The following FAM13A variants were observed in gnomAD, a reference collection of about 807,000 sequenced individuals.
The protein encoded by FAM13A is family with sequence similarity 13 member A, also known as protein FAM13A.
Under a neutral mutation model 129.6 loss-of-function variants are expected in FAM13A, and 76 were observed. The observed-to-expected ratio is 0.59, with a 90% CI of 0.49 to 0.71. The LOEUF (loss-of-function observed/expected upper bound fraction) is 0.71, where lower values mean the gene tolerates loss of function less well. Ranked by LOEUF, FAM13A falls within the 30% of genes least tolerant of loss-of-function variation. FAM13A has a pLI of 0.00. For missense variants in FAM13A, 1,108 were observed against 1,249.3 expected, an observed-to-expected ratio of 0.89 and a Z score of 1.70; for synonymous variants, 443 against 449.9, an observed-to-expected ratio of 0.98 and a Z score of 0.20.
chr4:88,931,822 A>G (rs1753081385), intron 5 of FAM13A, among the ~76,000 whole-genome samples: 1 of 152,252 alleles, frequency 6.6e-6, no homozygotes, highest in Non-Finnish European at 1.5e-5. Context: ...GAGTTTCATA[A>G]ATGCTCAAAA....
At chr4:88,768,260 T>C in intron 11 of FAM13A, 1 of 419,776 alleles carries the variant, frequency 2.4e-6, no homozygotes, top group South Asian at 4.8e-5. Context: ...ATTGAACTTC[T>C]AACATCCTTT....
chr4:88,917,206 T>C (rs1298937133), intron 5 of FAM13A, among the ~76,000 whole-genome samples: 1 of 152,350 alleles, frequency 6.6e-6, no homozygotes, highest in East Asian at 1.9e-4. Context: ...AGTTTGGGCA[T>C]CTGCATATGG....
rs979607830 is a variant in FAM13A, at chr4:88,910,195, T to C, written c.760-3733A>G. Among the ~76,000 whole-genome samples, 8 of 152,324 alleles carry C rather than the reference T, an allele frequency of 5.3e-5. No individual in the cohort carries two copies. The South Asian group carries it at 1.2e-3, about 24-fold the overall frequency. On this transcript the variant is annotated intron_variant, in intron 5 of 23. Coordinates refer to ENST00000264344, the MANE Select transcript of FAM13A (RefSeq NM_014883.4). ...TAATAGATCACATACGGCATATTTA[T>C]ACTTATTTTAAACATTTGATCTACT...
intron 1 of FAM13A, among the ~76,000 whole-genome samples, chr4:89,037,748 G>C (rs1012774268): frequency 6.6e-6 from 1 of 152,148 alleles, no homozygotes; most frequent in Admixed American, 6.5e-5. Flanking sequence ...AGACTGGGGG[G>C]TGGATGGTAA....
At chr4:88,799,590 T>G (rs976320399) in intron 8 of FAM13A, among the ~76,000 whole-genome samples, 1 of 152,172 alleles carries the variant, frequency 6.6e-6, no homozygotes, top group Non-Finnish European at 1.5e-5. Flanking sequence ...GTTCAGGGGA[T>G]TCCCCTGTCT....
At chr4:88,952,776 C>T (rs973919342) in intron 4 of FAM13A, among the ~76,000 whole-genome samples, 3 of 151,862 alleles carry the variant, frequency 2.0e-5, no homozygotes, top group Admixed American at 6.6e-5. Flanking sequence ...GGTGAAACCC[C>T]GTCTCTACTA....
intron 6 of FAM13A, among the ~76,000 whole-genome samples, chr4:88,877,089 A>G (rs931077991): frequency 2.4e-4 from 37 of 152,182 alleles, no homozygotes; most frequent in African/African-American, 8.7e-4. Flanking sequence ...TTATCAATAA[A>G]GTTATAAATT....
At position 89,035,159 on chromosome 4, in the gene FAM13A, G is replaced by C. The variant is rs1382885786; in HGVS notation, c.28-5510C>G. On this transcript the variant is annotated intron_variant, in intron 1 of 23. Transcript: ENST00000264344. ...AATACAGCATGTTCTCACATATAGT[G>C]GGAGCGAAACACTGGGTACAGAAAA... 3.9e-5 allele frequency among the ~76,000 whole-genome samples: 6 copies of C among 152,206 alleles called. No homozygotes were observed. In the East Asian group the frequency reaches 1.2e-3, roughly 29 times the overall value.
chr4:89,029,399 A>G, intron 2 of FAM13A, 61 bp downstream of exon 2: 8 of 1,298,898 alleles, frequency 6.2e-6, no homozygotes, highest in Non-Finnish European at 8.7e-6. Flanking sequence ...TAATTCACAC[A>G]AATAATTTGT....
chr4:88,878,477 C>T (rs919135238), intron 6 of FAM13A, among the ~76,000 whole-genome samples: 1 of 151,648 alleles, frequency 6.6e-6, no homozygotes, highest in Non-Finnish European at 1.5e-5. Flanking sequence ...TGTTTATTTT[C>T]TGCTTATCAT....
intron 6 of FAM13A, among the ~76,000 whole-genome samples, chr4:88,897,232 T>C (rs1746506907): frequency 6.6e-6 from 1 of 152,210 alleles, no homozygotes; most frequent in South Asian, 2.1e-4. Flanking sequence ...TTCTCTTCTG[T>C]GTCATCCACT....
At chr4:88,878,636 T>A (rs1259905289) in intron 6 of FAM13A, among the ~76,000 whole-genome samples, 1 of 152,202 alleles carries the variant, frequency 6.6e-6, no homozygotes, top group Non-Finnish European at 1.5e-5. Context: ...TCAATATTGG[T>A]TTTCAATATA....
At chr4:88,993,315 CT>C (rs1763150659) in intron 3 of FAM13A, among the ~76,000 whole-genome samples, 1 of 152,160 alleles carries the variant, frequency 6.6e-6, no homozygotes, top group African/African-American at 2.4e-5. Flanking sequence ...GTTCTGCCTT[CT>C]TTTTTATGGT....
chr4:88,892,996 TAACA>T (rs1460164668), intron 6 of FAM13A, among the ~76,000 whole-genome samples: 7 of 152,194 alleles, frequency 4.6e-5, no homozygotes, highest in African/African-American at 1.4e-4. Flanking sequence ...TGATAACAGC[TAACA>T]AACAAACTCT....
chr4:88,977,826 T>G (rs939644832), intron 4 of FAM13A, among the ~76,000 whole-genome samples: 1 of 152,108 alleles, frequency 6.6e-6, no homozygotes, highest in Non-Finnish European at 1.5e-5. Flanking sequence ...TCACACAGAG[T>G]ATCTGGAGGA....
chr4:88,978,465 C>T (rs1263679617), intron 4 of FAM13A, among the ~76,000 whole-genome samples: 2 of 152,086 alleles, frequency 1.3e-5, no homozygotes, highest in African/African-American at 4.8e-5. Flanking sequence ...ATTTGAATGA[C>T]ACAGGAAATA....
At chr4:89,015,426 C>T (rs1448782839) in intron 3 of FAM13A, among the ~76,000 whole-genome samples, 2 of 152,078 alleles carry the variant, frequency 1.3e-5, no homozygotes, top group Non-Finnish European at 2.9e-5. Context: ...TGATGTCTCC[C>T]CCGGACACCC....
At chr4:88,873,597 G>T (rs544557399) in intron 6 of FAM13A, among the ~76,000 whole-genome samples, 11 of 152,266 alleles carry the variant, frequency 7.2e-5, no homozygotes, top group African/African-American at 2.6e-4. Flanking sequence ...CCAGGAAGAA[G>T]TTGAATCGCT....
chr4:88,832,240 G>T (rs1734015236), intron 7 of FAM13A, among the ~76,000 whole-genome samples: 1 of 152,088 alleles, frequency 6.6e-6, no homozygotes, highest in South Asian at 2.1e-4. Context: ...ATTAACTCAA[G>T]ATGGATTAAA....
Sources: gnomAD v4.1 joint callset for allele counts (sites outside exome capture counted in the v4.1 genomes callset) on GRCh38, gnomAD v4.1.1 for gene constraint, MANE v1.5 for transcripts, NCBI Gene and HGNC (gene_info 2026-07-23, HGNC 2026-07-21) for gene names.